EML5: variants seen among roughly 807,000 people sequenced by gnomAD.
EML5 encodes echinoderm microtubule-associated protein-like 5.
EML5 carries 120 observed loss-of-function variants against 250.0 expected under a neutral mutation model. The ratio of observed to expected loss-of-function variants is 0.48; its 90% CI spans 0.41 to 0.56. The LOEUF is 0.56. Among genes scored for constraint, EML5 ranks in the 20% least tolerant of loss-of-function variants. EML5 has a pLI of 0.00. For synonymous variants in EML5, 771 were observed against 806.5 expected (o/e 0.96, Z 0.75); for missense variants, 2,006 against 2,437.6 (o/e 0.82, Z 3.73).
chr14:88,749,156 G>A (rs373962256), intron 2 of EML5, among the ~76,000 whole-genome samples: 10 of 152,052 alleles, frequency 6.6e-5, no homozygotes, highest in South Asian at 4.2e-4. Context: ...TGAAGCCATC[G>A]CTAAAGGGCA....
At chr14:88,666,623 ATTT>A (rs1215712690) in intron 21 of EML5, among the ~76,000 whole-genome samples, 4 of 152,088 alleles carry the variant, frequency 2.6e-5, no homozygotes, top group Non-Finnish European at 5.9e-5. Context: ...ATGAAATGAT[ATTT>A]TTATTATTAA....
chr14:88,653,757 C>A (rs918324639), intron 27 of EML5, among the ~76,000 whole-genome samples: 6 of 152,060 alleles, frequency 3.9e-5, no homozygotes, highest in African/African-American at 1.4e-4. Flanking sequence ...CTGAAATTTT[C>A]TTTTTTTGTT....
chr14:88,715,512 G>A (rs897395579), intron 8 of EML5, among the ~76,000 whole-genome samples: 1 of 152,108 alleles, frequency 6.6e-6, no homozygotes, highest in Non-Finnish European at 1.5e-5. Flanking sequence ...TATGGTAAAA[G>A]AAGTTCTTTG....
At chr14:88,789,792 T>C (rs887197420) in intron 1 of EML5, among the ~76,000 whole-genome samples, 1 of 152,190 alleles carries the variant, frequency 6.6e-6, no homozygotes, top group Non-Finnish European at 1.5e-5. Context: ...CCACCAACAT[T>C]GCACTCACAT....
At chr14:88,742,584 A>G (rs2093940196) in intron 4 of EML5, among the ~76,000 whole-genome samples, 1 of 152,156 alleles carries the variant, frequency 6.6e-6, no homozygotes, top group Non-Finnish European at 1.5e-5. Context: ...TACTTACAAT[A>G]TAAAATAGTA....
At chr14:88,736,597 A>G (rs1232744817) in intron 6 of EML5, 32 bp from the exon 7 acceptor site, 1 of 1,600,396 alleles carries the variant, frequency 6.2e-7, no homozygotes, top group South Asian at 1.1e-5. Flanking sequence ...TTAATATATA[A>G]TGCTGTAATA....
chr14:88,759,907 CCTA>C (rs985980533), intron 1 of EML5, among the ~76,000 whole-genome samples: 33 of 152,216 alleles, frequency 2.2e-4, no homozygotes, highest in Non-Finnish European at 3.8e-4. Context: ...GCTCCACATT[CCTA>C]CTAATATTTG....
At chr14:88,748,684 T>C (rs940962087) in intron 2 of EML5, among the ~76,000 whole-genome samples, 8 of 152,080 alleles carry the variant, frequency 5.3e-5, no homozygotes, top group Non-Finnish European at 1.0e-4. Flanking sequence ...TAGGAGACAT[T>C]TGCTGTTAAA....
chr14:88,694,760 C>T (rs552709988), intron 16 of EML5, among the ~76,000 whole-genome samples: 29 of 152,250 alleles, frequency 1.9e-4, no homozygotes, highest in African/African-American at 6.5e-4. Flanking sequence ...CTACAAAATT[C>T]CTCTTAAACT....
At chr14:88,703,411 G>A (rs1226781331) in intron 13 of EML5, among the ~76,000 whole-genome samples, 3 of 151,968 alleles carry the variant, frequency 2.0e-5, no homozygotes, top group South Asian at 2.1e-4. Flanking sequence ...AGAATACAAC[G>A]TATATTCCAA....
At chr14:88,636,497 C>T (rs894787912) in intron 32 of EML5, among the ~76,000 whole-genome samples, 6 of 152,148 alleles carry the variant, frequency 3.9e-5, no homozygotes, top group African/African-American at 1.4e-4. Flanking sequence ...CCCGTCTCTA[C>T]TAAAAATACA....
At position 88,616,868 on chromosome 14, in the gene EML5, TCTC is replaced by T. The variant is rs760455698; in HGVS notation, c.5651_5653del (p.Gly1884del). On this transcript the variant is annotated inframe_deletion, in exon 42 of 44. Transcript: ENST00000554922. ...TCTGGACCAGATTCCCAAAACCTCA[TCTC>T]CTAGAATACTAGAGGGAAGGAACAA... 4.3e-6 allele frequency: 7 copies of T among 1,613,650 alleles called. No individual in the cohort carries two copies. The highest frequency in any genetic ancestry group is 2.2e-5 in the East Asian group (1 of 44,862).
chr14:88,761,959 T>G (rs1029430523), intron 1 of EML5, among the ~76,000 whole-genome samples: 1 of 152,236 alleles, frequency 6.6e-6, no homozygotes, highest in Non-Finnish European at 1.5e-5. Flanking sequence ...GAGCTTTTTT[T>G]CATATGCTTG....
Position 88,792,326 on chromosome 14 carries a change from G to A in EML5, c.178C>T (p.His60Tyr), listed in dbSNP as rs1317416874. 1 of 1,561,122 alleles carries A rather than the reference G, an allele frequency of 6.4e-7. No individual in the cohort carries two copies. Among genetic ancestry groups the A allele is most frequent in the Non-Finnish European group, 8.7e-7 (1 of 1,154,768 alleles). ...CGGTACCTGATGATGTCGTCGCTGT[G>A]GCCCCGGTAGAACTTCTGCCTGTGC... ...REHRQKFYRG[H>Y]SDDIISLALH... The change falls in exon 1 of 44, where the codon CAC (histidine) becomes TAC (tyrosine). Residue 60 changes from histidine to tyrosine, a missense_variant. Physicochemically the swap from His to Tyr is moderately conservative, Grantham distance 83 (BLOSUM62 2). Transcript: ENST00000554922. This position sits in a 1 kb window ranked among gnomAD's most constrained non-coding sequence, Gnocchi z 6.9.
At chr14:88,695,264 A>G in intron 16 of EML5, 97 bp downstream of exon 16, 1 of 843,504 alleles carries the variant, frequency 1.2e-6, no homozygotes, top group Non-Finnish European at 1.9e-6. Flanking sequence ...AAAAAGTTAC[A>G]TATTTGCTTG....
At chr14:88,773,841 G>A (rs1403920381) in intron 1 of EML5, among the ~76,000 whole-genome samples, 1 of 152,118 alleles carries the variant, frequency 6.6e-6, no homozygotes, top group African/African-American at 2.4e-5. Context: ...TACTGGGGCC[G>A]GGCATAGTGG....
intron 25 of EML5, among the ~76,000 whole-genome samples, chr14:88,659,297 C>T (rs952196488): frequency 6.3e-4 from 95 of 151,954 alleles, no homozygotes; most frequent in African/African-American, 2.2e-3. Context: ...CTGTAACCTC[C>T]GCCTCCTGGT....
At chr14:88,625,981 A>G (rs553437993) in intron 35 of EML5, 2 of 152,166 alleles carry the variant, frequency 1.3e-5, no homozygotes, top group Non-Finnish European at 2.9e-5. Context: ...AGATGGAATA[A>G]AGTGAGAGGA....
Position 88,657,476 on chromosome 14 carries a change from T to C in EML5, c.3904A>G (p.Asn1302Asp), listed in dbSNP as rs2091914394. Residue 1302 changes from asparagine (N) to aspartate (D), a missense_variant, in exon 27 of 44, where the codon AAT becomes GAT. By Grantham distance (23) the Asn-to-Asp change is conservative (BLOSUM62 1). Around this residue, in one of 7 missense-constraint regions of EML5, gnomAD observed 1,375 missense variants for 1,590.3 expected, o/e 0.86. Transcript: ENST00000554922. The stretch of plus-strand genomic sequence containing the variant: ...GCTCTGATGGTGTAACTGATTTCAT[T>C]CTCCCTTGTAACATCACTGTCATAG... Reference protein sequence around the residue: ...GGYDSDVTRENEISYTIRALS... With the variant: ...GGYDSDVTREDEISYTIRALS... 1 of 1,607,054 alleles carries C rather than the reference T, an allele frequency of 6.2e-7. No individual in the cohort carries two copies. The highest frequency in any genetic ancestry group is 8.5e-7 in the Non-Finnish European group (1 of 1,176,726).
Sources: gnomAD v4.1 joint callset for allele counts (sites outside exome capture counted in the v4.1 genomes callset) on GRCh38, gnomAD v4.1.1 for gene constraint, gnomAD v4.1.1 regional missense constraint, Gnocchi (gnomAD v3.1) non-coding constraint, MANE v1.5 for transcripts, NCBI Gene and HGNC (gene_info 2026-07-23, HGNC 2026-07-21) for gene names.